UNC13C: variants seen among roughly 807,000 people sequenced by gnomAD.
UNC13C encodes protein unc-13 homolog C.
In UNC13C, 174 loss-of-function variants were observed where a neutral mutation model predicts 245.4. The ratio of observed to expected loss-of-function variants is 0.71; its 90% confidence interval spans 0.63 to 0.80. UNC13C has a LOEUF of 0.80. UNC13C is among the 30% of genes least tolerant of loss of function. UNC13C has a pLI of 0.00. For synonymous variants in UNC13C, 992 were observed against 895.1 expected (o/e 1.11, Z -1.93); for missense variants, 2,829 against 2,602.9 (o/e 1.09, Z -1.89).
intron 2 of UNC13C, among the ~76,000 whole-genome samples, chr15:54,099,217 A>G (rs1266772510): frequency 6.6e-6 from 1 of 152,186 alleles, no homozygotes; most frequent in African/African-American, 2.4e-5. Context: ...AGAGTGACAG[A>G]GCTTTCCAGT....
the UNC13C span, among the ~76,000 whole-genome samples, chr15:53,855,188 T>C: frequency 6.6e-6 from 1 of 152,194 alleles, no homozygotes; most frequent in African/African-American, 2.4e-5. Context: ...CTTAAGTAGC[T>C]TTTGGGCTGA....
intron 19 of UNC13C, among the ~76,000 whole-genome samples, chr15:54,437,724 AG>A (rs1890299488): frequency 6.6e-6 from 1 of 151,954 alleles, no homozygotes; most frequent in South Asian, 2.1e-4. Context: ...TGATCACTCA[AG>A]GTCACACAGG....
chr15:54,363,371 A>T (rs2039282074), intron 17 of UNC13C, among the ~76,000 whole-genome samples: 1 of 152,214 alleles, frequency 6.6e-6, no homozygotes, highest in Non-Finnish European at 1.5e-5. Flanking sequence ...AGCCTCCCAA[A>T]GTGCTGGGAC....
chr15:54,351,284 T>A (rs1451958662), intron 17 of UNC13C, among the ~76,000 whole-genome samples: 1 of 152,198 alleles, frequency 6.6e-6, no homozygotes, highest in Non-Finnish European at 1.5e-5. Context: ...AACAAGTTAG[T>A]AGAATGATAC....
chr15:54,015,705 G>A lies in UNC13C; in HGVS notation c.2802G>A (p.Gly934=). The change falls in exon 2 of 33, where the codon GGG becomes GGA. Residue 934 remains glycine (G), a synonymous_variant. Coordinates refer to ENST00000260323, the MANE Select transcript of UNC13C (RefSeq NM_001080534.3). The part of the protein sequence containing the change: ...GPADDMVSEE[G]LEPLNETSAE... ...CAGATGATATGGTTAGTGAAGAGGG[G>A]TTAGAACCCTTAAATGAAACATCAG... The A allele has an allele frequency of 1.9e-6, 3 of 1,613,654 alleles. No individual in the cohort carries two copies. Among genetic ancestry groups the A allele is most frequent in the Non-Finnish European group, 2.5e-6 (3 of 1,179,778 alleles).
intron 2 of UNC13C, among the ~76,000 whole-genome samples, chr15:54,077,104 T>C (rs1163774097): frequency 2.6e-5 from 4 of 152,110 alleles, no homozygotes; most frequent in East Asian, 1.9e-4. Context: ...GGGCCTGTTA[T>C]AGTGAAGGCT....
intron 30 of UNC13C, among the ~76,000 whole-genome samples, chr15:54,616,461 T>G (rs1453218560): frequency 6.6e-6 from 1 of 151,938 alleles, no homozygotes; most frequent in Non-Finnish European, 1.5e-5. Context: ...GCAATATAAT[T>G]ATGTACAGTT....
Position 54,039,658 on chromosome 15 carries a change from G to A in UNC13C, c.2983+23772G>A, listed in dbSNP as rs534990427. On this transcript the variant is annotated intron_variant, in intron 2 of 32. Transcript: ENST00000260323. ...CTGGCATTCTCGGTGATCCCATTTGGTCCCATAACTTTGAATGCCACTTGC... is the reference window on the plus strand; with the variant it reads ...CTGGCATTCTCGGTGATCCCATTTGATCCCATAACTTTGAATGCCACTTGC... Among the ~76,000 whole-genome samples, 6 of 151,586 alleles carry A rather than the reference G, an allele frequency of 4.0e-5. No homozygotes were observed. In the East Asian group the frequency reaches 7.8e-4, roughly 20 times the overall value.
chr15:53,854,558 TC>T, the UNC13C span, among the ~76,000 whole-genome samples: 1 of 152,204 alleles, frequency 6.6e-6, no homozygotes, highest in African/African-American at 2.4e-5. Flanking sequence ...GAGAATCCTT[TC>T]CCCATTAATT....
In UNC13C at chr15:54,546,994, A is replaced by G. The variant is rs1216319090; in HGVS notation, c.5820+149A>G. The G allele has an allele frequency of 2.1e-5, 16 of 761,198 alleles. No homozygotes were observed. In the East Asian group the frequency reaches 4.8e-4, roughly 23 times the overall value. The allele number at this position is 761,198 out of a possible 1,614,324, so 47.2% of individuals were successfully genotyped here. On this transcript the variant is annotated intron_variant, in intron 27 of 32. Transcript: ENST00000260323. The stretch of plus-strand genomic sequence containing the variant: ...TCTTAACAATGATCATTCAAATGAT[A>G]GTTTCCTATCCAAGTCAATTTTAAA...
chr15:54,006,789 G>A (rs901912429), intron 1 of UNC13C, among the ~76,000 whole-genome samples: 2 of 152,112 alleles, frequency 1.3e-5, no homozygotes, highest in African/African-American at 4.8e-5. Flanking sequence ...CTCCTCACAC[G>A]CTATTGGTGT....
At chr15:54,442,347 T>A (rs1890576142) in intron 19 of UNC13C, among the ~76,000 whole-genome samples, 2 of 150,664 alleles carry the variant, frequency 1.3e-5, no homozygotes, top group South Asian at 4.2e-4. Context: ...CTCAGCCTCC[T>A]GAATAGCTGG....
intron 30 of UNC13C, among the ~76,000 whole-genome samples, chr15:54,613,860 C>T (rs1337532065): frequency 1.3e-5 from 2 of 151,846 alleles, no homozygotes; most frequent in Non-Finnish European, 2.9e-5. Context: ...AGTAATTAAG[C>T]ATTTGTGACC....
intron 7 of UNC13C, among the ~76,000 whole-genome samples, 159 bp downstream of exon 7, chr15:54,237,849 G>A (rs2035745007): frequency 3.9e-5 from 6 of 152,114 alleles, no homozygotes; most frequent in Admixed American, 3.9e-4. Flanking sequence ...AACTTCCTCA[G>A]GGACTCAGCC....
the UNC13C span, among the ~76,000 whole-genome samples, chr15:53,970,140 C>T: frequency 6.6e-6 from 1 of 151,784 alleles, no homozygotes; most frequent in Non-Finnish European, 1.5e-5. Context: ...TCACTCCAAC[C>T]TTTGCTCCAA....
At chr15:54,055,339 G>C (rs1897462560) in intron 2 of UNC13C, among the ~76,000 whole-genome samples, 1 of 152,056 alleles carries the variant, frequency 6.6e-6, no homozygotes, top group Non-Finnish European at 1.5e-5. Flanking sequence ...CTTCTTTTCT[G>C]TCATTTCTCT....
chr15:53,896,349 G>C, the UNC13C span, among the ~76,000 whole-genome samples: 1 of 152,148 alleles, frequency 6.6e-6, no homozygotes, highest in Non-Finnish European at 1.5e-5. Flanking sequence ...TCATTGTAGT[G>C]TTAGCACTTC....
intron 19 of UNC13C, among the ~76,000 whole-genome samples, chr15:54,437,517 T>G (rs968444815): frequency 4.6e-5 from 7 of 152,080 alleles, no homozygotes; most frequent in African/African-American, 1.7e-4. Context: ...TTTGTTTATT[T>G]TTGAGGTTCC....
chr15:54,341,534 AG>A (rs2038731327), intron 17 of UNC13C, among the ~76,000 whole-genome samples: 1 of 152,192 alleles, frequency 6.6e-6, no homozygotes, highest in African/African-American at 2.4e-5. Context: ...CAGTCTGTTC[AG>A]GTAACAAACC....
Sources: gnomAD v4.1 joint callset for allele counts (sites outside exome capture counted in the v4.1 genomes callset) on GRCh38, gnomAD v4.1.1 for gene constraint, MANE v1.5 for transcripts, NCBI Gene and HGNC (gene_info 2026-07-23, HGNC 2026-07-21) for gene names.